The following MELK variants were observed in gnomAD, a reference collection of about 807,000 sequenced individuals.
MELK encodes pEg3 kinase.
Under a neutral mutation model 85.0 loss-of-function variants are expected in MELK, and 81 were observed. The observed-to-expected ratio is 0.95, with a 90% CI of 0.80 to 1.15. The LOEUF (loss-of-function observed/expected upper bound fraction) is 1.15, where lower values mean the gene tolerates loss of function less well. Among genes scored for constraint, MELK ranks in the 50% most tolerant of loss-of-function variants. The pLI is 0.00. For synonymous variants in MELK, 252 were observed against 265.0 expected, an observed-to-expected ratio of 0.95 and a Z score of 0.48; for missense variants, 754 against 777.5, an observed-to-expected ratio of 0.97 and a Z score of 0.36.
In MELK at chr9:36,671,149, G is replaced by A. The variant is rs370307671; in HGVS notation, c.1657G>A (p.Gly553Arg). Residue 553 changes from glycine to arginine, a missense_variant, in exon 16 of 18, where the codon GGG becomes AGG. Coordinates refer to ENST00000298048, the MANE Select transcript of MELK (RefSeq NM_014791.4). ...RSKRKGSARDGPRRLKLHYNV... is the reference protein window; with the variant it reads ...RSKRKGSARDRPRRLKLHYNV... The stretch of plus-strand genomic sequence containing the variant: ...CAAAAGGAAGGGTTCTGCCAGAGAC[G>A]GGCCCAGAAGACTAAAGGTAAGCAG... 2.5e-5 allele frequency: 40 copies of A among 1,600,768 alleles called. No individual in the cohort carries two copies. Among genetic ancestry groups the A allele is most frequent in the East Asian group, 1.8e-4 (8 of 44,420 alleles).
chr9:36,612,072 CTAT>C (rs1357101165), intron 8 of MELK, among the ~76,000 whole-genome samples: 2 of 151,426 alleles, frequency 1.3e-5, no homozygotes, highest in South Asian at 4.2e-4. Flanking sequence ...TGCCTGGCTG[CTAT>C]TATTGTTTTA....
At chr9:36,670,945 C>G in intron 15 of MELK, 53 bp from the exon 16 acceptor site, 1 of 1,540,918 alleles carries the variant, frequency 6.5e-7, no homozygotes, top group Non-Finnish European at 8.7e-7. Flanking sequence ...CTTGTGGACC[C>G]CACAGGCCGG....
At chr9:36,620,548 C>CT (rs747925440) in intron 8 of MELK, among the ~76,000 whole-genome samples, 1,445 of 128,486 alleles carry the variant, frequency 0.011, 23 homozygotes, top group South Asian at 0.039. Context: ...CATTCTCTTC[C>CT]TTTTTTTTTT....
chr9:36,626,655 T>G (rs1293620152), intron 8 of MELK, among the ~76,000 whole-genome samples: 1 of 151,824 alleles, frequency 6.6e-6, no homozygotes, highest in African/African-American at 2.4e-5. Context: ...TTATTGGGCC[T>G]CAAGAAATAG....
In MELK at chr9:36,581,753, T is replaced by G. The variant is rs1822259297; in HGVS notation, c.58+14T>G. ...CTATTGGGACAGGTAATTGTTATTT[T>G]TTTTTGGAGGCAGTGGATAGATCAA... On this transcript the variant is annotated intron_variant, in intron 2 of 17. Transcript: ENST00000298048. 1 of 1,580,914 alleles carries G rather than the reference T, an allele frequency of 6.3e-7. No homozygotes were observed. Among genetic ancestry groups the G allele is most frequent in the South Asian group, 1.1e-5 (1 of 89,886 alleles).
rs1044873849 is a variant in MELK, at chr9:36,661,189, T to C, written c.1176+3826T>C. Among the ~76,000 whole-genome samples the C allele has an allele frequency of 3.3e-5, 5 of 152,122 alleles. No individual in the cohort carries two copies. The East Asian group carries it at 5.8e-4, about 18-fold the overall frequency. ...GGGCTGTGGGTTTCTAAGACTATCATAGAGCTGGAGAGAGAAGAATGGGGA... is the reference window on the plus strand; with the variant it reads ...GGGCTGTGGGTTTCTAAGACTATCACAGAGCTGGAGAGAGAAGAATGGGGA... On this transcript the variant is annotated intron_variant, in intron 13 of 17. Coordinates refer to ENST00000298048, the MANE Select transcript of MELK (RefSeq NM_014791.4).
At chr9:36,574,645 T>C (rs1821456546) in intron 1 of MELK, among the ~76,000 whole-genome samples, 1 of 152,076 alleles carries the variant, frequency 6.6e-6, no homozygotes. Flanking sequence ...TTCTGTATTC[T>C]ACTTCCTGTT....
rs141051864 is a variant in MELK at position 36,581,602 on chromosome 9, G to A, written c.-38-42G>A. On this transcript the variant is annotated intron_variant, in intron 1 of 17. Transcript: ENST00000298048. ...GTTACAAGAATGGAGGAGATGATCCGGTATTATTTCCTTTATTGATTATGT... is the reference window on the plus strand; with the variant it reads ...GTTACAAGAATGGAGGAGATGATCCAGTATTATTTCCTTTATTGATTATGT... 4.6e-5 allele frequency: 44 copies of A among 953,712 alleles called. No homozygotes were observed. The Middle Eastern group carries it at 1.5e-3, about 32-fold the overall frequency. The allele number at this position is 953,712 out of a possible 1,614,324, so 59.1% of individuals were successfully genotyped here.
chr9:36,650,751 T>C (rs1830630552), intron 11 of MELK, among the ~76,000 whole-genome samples: 1 of 152,210 alleles, frequency 6.6e-6, no homozygotes. Flanking sequence ...TGGGGCTACA[T>C]TGTAAGATAG....
At chr9:36,597,923 T>G (rs1392585880) in intron 6 of MELK, among the ~76,000 whole-genome samples, 1 of 152,238 alleles carries the variant, frequency 6.6e-6, no homozygotes, top group Non-Finnish European at 1.5e-5. Context: ...AAGCTTCCTC[T>G]GGAGTTCTCT....
chr9:36,615,439 G>A (rs1826589395), intron 8 of MELK, among the ~76,000 whole-genome samples: 1 of 141,576 alleles, frequency 7.1e-6, no homozygotes, highest in Non-Finnish European at 1.5e-5. Flanking sequence ...GGCCAGGCGG[G>A]GGGCTGACCC....
rs1436171563 is a variant in MELK, at chr9:36,574,237, C to T, written c.-39+1230C>T. Among the ~76,000 whole-genome samples, 5 of 151,910 alleles carry T rather than the reference C, an allele frequency of 3.3e-5. 1 individual carries two copies. Among genetic ancestry groups the T allele is most frequent in the African/African-American group, 1.2e-4 (5 of 41,356 alleles). Reference sequence around the variant, plus strand: ...GCCTCATTGTTGGTGCTCCCAGAAGCCTTTGCAAGGGAGCAGGGCAGGATG... The same window carrying T: ...GCCTCATTGTTGGTGCTCCCAGAAGTCTTTGCAAGGGAGCAGGGCAGGATG... On this transcript the variant is annotated intron_variant, in intron 1 of 17. Coordinates refer to ENST00000298048, the MANE Select transcript of MELK (RefSeq NM_014791.4).
intron 8 of MELK, among the ~76,000 whole-genome samples, chr9:36,608,884 AATAT>A (rs1198057528): frequency 6.6e-6 from 1 of 152,128 alleles, no homozygotes; most frequent in Non-Finnish European, 1.5e-5. Flanking sequence ...CACCCGGCCC[AATAT>A]ATAAACTTCT....
chr9:36,661,821 C>G (rs564986420), intron 13 of MELK, among the ~76,000 whole-genome samples: 2 of 151,622 alleles, frequency 1.3e-5, no homozygotes, highest in East Asian at 3.9e-4. Context: ...CCTCTAGTCC[C>G]AGTTACTTGG....
At chr9:36,585,402 G>T (rs1465932765) in intron 3 of MELK, among the ~76,000 whole-genome samples, 2 of 150,084 alleles carry the variant, frequency 1.3e-5, no homozygotes, top group Non-Finnish European at 2.9e-5. Flanking sequence ...TGCCTCCTGG[G>T]TTCAAATGAT....
chr9:36,624,017 C>T (rs912941831), intron 8 of MELK, among the ~76,000 whole-genome samples: 2 of 151,584 alleles, frequency 1.3e-5, no homozygotes, highest in African/African-American at 2.4e-5. Context: ...GTGCTAAATG[C>T]TTTATGTATA....
intron 10 of MELK, among the ~76,000 whole-genome samples, chr9:36,641,300 C>T (rs1172355262): frequency 5.9e-5 from 9 of 152,174 alleles, no homozygotes; most frequent in Non-Finnish European, 1.3e-4. Context: ...CTCTATGTTG[C>T]ATATATTGCA....
chr9:36,602,384 G>T (rs994450180), intron 7 of MELK, among the ~76,000 whole-genome samples: 2 of 150,886 alleles, frequency 1.3e-5, no homozygotes, highest in African/African-American at 4.9e-5. Flanking sequence ...CCAGCTACTT[G>T]GGGGTTGAGG....
At chr9:36,616,407 T>TTTTTTTTTTTTTTTTA (rs1826799667) in intron 8 of MELK, among the ~76,000 whole-genome samples, 1 of 147,452 alleles carries the variant, frequency 6.8e-6, no homozygotes, top group Non-Finnish European at 1.5e-5. Flanking sequence ...TTTTTTTTTT[T>TTTTTTTTTTTTTTTTA]AAGGCAGAGC....
Sources: allele counts gnomAD v4.1 joint callset (sites outside exome capture counted in the v4.1 genomes callset), GRCh38; gene constraint gnomAD v4.1.1; transcripts MANE v1.5; gene names NCBI Gene and HGNC (gene_info 2026-07-23, HGNC 2026-07-21).